STRA6: variants seen among roughly 807,000 people sequenced by gnomAD.
The protein encoded by STRA6 is signaling receptor and transporter of retinol STRA6.
In STRA6, 48 loss-of-function variants were observed where a neutral mutation model predicts 83.6. The observed-to-expected ratio is 0.57, with a 90% CI of 0.46 to 0.73. The LOEUF (loss-of-function observed/expected upper bound fraction) is 0.73, where lower values mean the gene tolerates loss of function less well. Among genes scored for constraint, STRA6 ranks in the 30% least tolerant of loss-of-function variants. The probability of loss-of-function intolerance (pLI) is 0.00; values close to 1 mark genes in which losing one functional copy is unlikely to be tolerated. For synonymous variants in STRA6, 353 were observed against 362.3 expected (o/e 0.97, Z 0.29); for missense variants, 760 against 838.8 (o/e 0.91, Z 1.16).
chr15:74,199,674 G>A (rs1362933248), intron 2 of STRA6, among the ~76,000 whole-genome samples: 1 of 152,158 alleles, frequency 6.6e-6, no homozygotes, highest in Non-Finnish European at 1.5e-5. Flanking sequence ...ATCACCTGAG[G>A]TCCCCATCTG....
At chr15:74,191,145 G>A in intron 10 of STRA6, 22 bp downstream of exon 10, 2 of 1,613,318 alleles carry the variant, frequency 1.2e-6, no homozygotes, top group South Asian at 2.2e-5. Context: ...GTCACGCTCG[G>A]CCTCAGCTCC....
chr15:74,202,295 G>C lies in STRA6; in HGVS notation c.-15-13C>G. The C allele has an allele frequency of 6.4e-7, 1 of 1,558,468 alleles. No individual in the cohort carries two copies. The highest frequency in any genetic ancestry group is 8.6e-7 in the Non-Finnish European group (1 of 1,159,716). ...TCTGGCCCTTCTCCTTTGACCCCAG[G>C]CGAGAGAAAAAAAAAGCCACTACAG... On this transcript the variant is annotated splice_polypyrimidine_tract_variant and intron_variant, in intron 1 of 18. Transcript: ENST00000395105.
rs1189805682 is a variant in STRA6 at position 74,197,433 on chromosome 15, G to A, written c.181-10C>T. The A allele has an allele frequency of 7.7e-6, 12 of 1,549,718 alleles. No homozygotes were observed. Among genetic ancestry groups the A allele is most frequent in the African/African-American group, 1.4e-5 (1 of 73,014 alleles). ...GCAGCAGCACAAGGATCTGAAAGGA[G>A]AGTGCAGAGGAGGGCTTGGGGTGCC... On this transcript the variant is annotated splice_polypyrimidine_tract_variant and intron_variant, in intron 3 of 18. Coordinates refer to ENST00000395105, the MANE Select transcript of STRA6 (RefSeq NM_022369.4).
intron 11 of STRA6, among the ~76,000 whole-genome samples, chr15:74,190,570 C>T (rs372521613): frequency 2.0e-5 from 3 of 152,076 alleles, no homozygotes; most frequent in African/African-American, 4.8e-5. Flanking sequence ...TATAACTTGC[C>T]CAAGGCCACA....
intron 14 of STRA6, 65 bp downstream of exon 14, chr15:74,183,791 A>G (rs201794405): frequency 8.7e-5 from 140 of 1,611,902 alleles, no homozygotes; most frequent in Middle Eastern, 3.5e-4. Context: ...CTTCTCCCCA[A>G]CTGAGGCCAG....
chr15:74,185,029 A>G lies in STRA6; in HGVS notation c.1117T>C (p.Ser373Pro). 5 of 1,614,062 alleles carry G rather than the reference A, an allele frequency of 3.1e-6. No individual in the cohort carries two copies. Among genetic ancestry groups the G allele is most frequent in the Non-Finnish European group, 4.2e-6 (5 of 1,179,992 alleles). Residue 373 changes from serine (S) to proline (P), a missense_variant, in exon 13 of 19, where the codon TCC (serine) becomes CCC (proline). Physicochemically the swap from Ser to Pro is moderately conservative, Grantham distance 74. Transcript: ENST00000395105. ...AGGACCAGGAAGGTGAGTAAGCAGGACAAGACCAAGGCTGAGATGTAGCAC... is the reference window on the plus strand; with the variant it reads ...AGGACCAGGAAGGTGAGTAAGCAGGGCAAGACCAAGGCTGAGATGTAGCAC... ...EVCYISALVL[S>P]CLLTFLVLMR...
At chr15:74,184,561 C>T (rs936360809) in intron 13 of STRA6, among the ~76,000 whole-genome samples, 1 of 152,042 alleles carries the variant, frequency 6.6e-6, no homozygotes, top group Non-Finnish European at 1.5e-5. Context: ...CACCAGGCTA[C>T]CCCTCACCTA....
At chr15:74,207,705 C>T (rs111590037), upstream of STRA6, 169 of 1,535,750 alleles carry the variant, frequency 1.1e-4, 1 homozygote, top group African/African-American at 1.8e-3. Context: ...ACCTGTGCAG[C>T]CCAGTCCCCT....
intron 8 of STRA6, 55 bp downstream of exon 8, chr15:74,193,745 G>A (rs1595848382): frequency 1.2e-6 from 2 of 1,608,160 alleles, no homozygotes; most frequent in East Asian, 2.2e-5. Flanking sequence ...AGATACGGGG[G>A]AGTAGGGCTG....
chr15:74,189,908 C>T (rs562518138), intron 11 of STRA6, among the ~76,000 whole-genome samples: 130 of 152,218 alleles, frequency 8.5e-4, no homozygotes, highest in East Asian at 1.7e-3. Flanking sequence ...GTGATCCGCC[C>T]GCCTCAGCCT....
chr15:74,193,711 G>A (rs1283118835), intron 8 of STRA6, 89 bp downstream of exon 8: 49 of 1,588,982 alleles, frequency 3.1e-5, no homozygotes, highest in East Asian at 1.6e-4. Flanking sequence ...CCTACATCAA[G>A]CACGGCCATG....
intron 2 of STRA6, among the ~76,000 whole-genome samples, chr15:74,200,551 T>C (rs1333513444): frequency 1.3e-5 from 2 of 152,202 alleles, no homozygotes; most frequent in Non-Finnish European, 2.9e-5. Flanking sequence ...ACTCCGGAGT[T>C]CTTCAAAGCT....
At chr15:74,195,595 A>G in intron 6 of STRA6, 57 bp downstream of exon 6, 1 of 1,555,668 alleles carries the variant, frequency 6.4e-7, no homozygotes, top group Non-Finnish European at 8.7e-7. Flanking sequence ...GGGCAAGAAC[A>G]CTAGGTTCAA....
At chr15:74,190,394 G>A (rs368998423) in intron 11 of STRA6, among the ~76,000 whole-genome samples, 2 of 151,252 alleles carry the variant, frequency 1.3e-5, no homozygotes, top group East Asian at 3.9e-4. Context: ...CATCTCCCAG[G>A]ATTTTAATTG....
intron 1 of STRA6, 88 bp from the exon 2 acceptor site, chr15:74,202,370 C>G: frequency 1.7e-5 from 27 of 1,550,016 alleles, no homozygotes; most frequent in Non-Finnish European, 2.2e-5. Context: ...AGACGGAAAA[C>G]CCAAACAAAG....
At chr15:74,184,928 C>T (rs2073167958) in intron 13 of STRA6, 52 bp downstream of exon 13, 8 of 1,580,820 alleles carry the variant, frequency 5.1e-6, no homozygotes, top group Non-Finnish European at 6.9e-6. Context: ...GCCCACAGGA[C>T]TCCCACTCCT....
chr15:74,180,544 T>C (rs917712533), intron 18 of STRA6, among the ~76,000 whole-genome samples: 3 of 152,084 alleles, frequency 2.0e-5, no homozygotes, highest in African/African-American at 4.8e-5. Context: ...CGGAGCCCCT[T>C]AGGAAGGCAG....
upstream of STRA6, among the ~76,000 whole-genome samples, chr15:74,206,242 G>C (rs2142106225): frequency 6.6e-6 from 1 of 152,322 alleles, no homozygotes; most frequent in South Asian, 2.1e-4. Context: ...GCCCTGCCCA[G>C]TCTGGTGCGG....
intron 11 of STRA6, 66 bp downstream of exon 11, chr15:74,190,774 G>A: frequency 6.2e-7 from 1 of 1,611,096 alleles, no homozygotes; most frequent in Non-Finnish European, 8.5e-7. Context: ...GGCCGGAACT[G>A]CTCCAGGCTT....
Sources: allele counts gnomAD v4.1 joint callset (sites outside exome capture counted in the v4.1 genomes callset), GRCh38; gene constraint gnomAD v4.1.1; transcripts MANE v1.5; gene names NCBI Gene and HGNC (gene_info 2026-07-23, HGNC 2026-07-21).